Variants in PIGL observed in about 807,000 individuals in gnomAD.
The protein encoded by PIGL is phosphatidylinositol glycan anchor biosynthesis class L.
A neutral mutation model predicts 31.1 loss-of-function variants in PIGL; 22 were observed. The ratio of observed to expected loss-of-function variants is 0.71; its 90% confidence interval spans 0.51 to 1.01. The LOEUF (loss-of-function observed/expected upper bound fraction) is 1.01. Ranked by LOEUF, PIGL falls within the 50% of genes least tolerant of loss-of-function variation. PIGL has a pLI of 0.00. For synonymous variants in PIGL, 131 were observed against 117.4 expected, an observed-to-expected ratio of 1.12 and a Z score of -0.75; for missense variants, 302 against 315.9, an observed-to-expected ratio of 0.96 and a Z score of 0.33.
At chr17:16,296,272 G>A (rs1410953297) in intron 2 of PIGL, among the ~76,000 whole-genome samples, 6 of 152,104 alleles carry the variant, frequency 3.9e-5, no homozygotes, top group South Asian at 2.1e-4. Flanking sequence ...ATCATAAACC[G>A]CTTGTAGAAG....
intron 3 of PIGL, among the ~76,000 whole-genome samples, chr17:16,309,243 G>C (rs2093038372): frequency 6.6e-6 from 1 of 152,182 alleles, no homozygotes; most frequent in South Asian, 2.1e-4. Context: ...GGTGAGCTAT[G>C]ATCATGCCAC....
intron 2 of PIGL, among the ~76,000 whole-genome samples, chr17:16,277,823 C>T (rs550906439): frequency 1.3e-5 from 2 of 152,228 alleles, no homozygotes; most frequent in South Asian, 4.1e-4. Flanking sequence ...ACTTCTGTGG[C>T]ATACAACAAT....
intron 2 of PIGL, among the ~76,000 whole-genome samples, chr17:16,253,672 A>G (rs1334052450): frequency 6.6e-6 from 1 of 152,004 alleles, no homozygotes; most frequent in Admixed American, 6.6e-5. Context: ...GGCCAGACAC[A>G]GTGGCTCATG....
At chr17:16,306,664 G>A (rs572400868) in intron 3 of PIGL, among the ~76,000 whole-genome samples, 2 of 151,954 alleles carry the variant, frequency 1.3e-5, no homozygotes, top group South Asian at 4.2e-4. Context: ...CAAGTAGCTG[G>A]GATTACAGGC....
intron 3 of PIGL, among the ~76,000 whole-genome samples, chr17:16,309,021 G>GA (rs2093037659): frequency 1.3e-5 from 2 of 152,062 alleles, no homozygotes; most frequent in African/African-American, 4.8e-5. Flanking sequence ...AAACTCCTGG[G>GA]GTCAAGCGAT....
chr17:16,273,488 T>C (rs1432331809), intron 2 of PIGL, among the ~76,000 whole-genome samples: 1 of 152,176 alleles, frequency 6.6e-6, no homozygotes, highest in Non-Finnish European at 1.5e-5. Context: ...TGATTTTCAT[T>C]TTAGAAAGAC....
intron 2 of PIGL, among the ~76,000 whole-genome samples, chr17:16,291,629 G>A (rs2092961060): frequency 6.6e-6 from 1 of 152,010 alleles, no homozygotes; most frequent in African/African-American, 2.4e-5. Flanking sequence ...ACTTTGGGAG[G>A]CAGAGGAGGG....
At chr17:16,230,261 T>G (rs1042416704) in intron 1 of PIGL, among the ~76,000 whole-genome samples, 4 of 152,140 alleles carry the variant, frequency 2.6e-5, no homozygotes, top group African/African-American at 9.7e-5. Flanking sequence ...GCCTCTGGGC[T>G]CCAGTAACAC....
chr17:16,281,999 T>C (rs1568820103), intron 2 of PIGL: 1 of 508,366 alleles, frequency 2.0e-6, no homozygotes, highest in Admixed American at 2.0e-5. Flanking sequence ...CAGCTGTCCA[T>C]GGGGGCACTG....
intron 2 of PIGL, among the ~76,000 whole-genome samples, chr17:16,296,790 G>C: frequency 6.6e-6 from 1 of 151,664 alleles, no homozygotes; most frequent in East Asian, 2.0e-4. Flanking sequence ...GGTCTCGGCT[G>C]ACTGCAAGCT....
intron 2 of PIGL, among the ~76,000 whole-genome samples, chr17:16,289,578 G>A (rs1319067922): frequency 6.6e-6 from 1 of 152,122 alleles, no homozygotes; most frequent in Non-Finnish European, 1.5e-5. Flanking sequence ...AAGTCACAAA[G>A]GACCTTGCTT....
intron 2 of PIGL, among the ~76,000 whole-genome samples, chr17:16,243,494 TG>T (rs923112389): frequency 1.3e-5 from 2 of 152,248 alleles, no homozygotes; most frequent in Non-Finnish European, 2.9e-5. Context: ...ACTTGCTTCA[TG>T]GTAAACTACT....
At chr17:16,299,811 G>A in intron 2 of PIGL, 77 bp from the exon 3 acceptor site, 1 of 986,648 alleles carries the variant, frequency 1.0e-6, no homozygotes, top group South Asian at 1.3e-5. Context: ...ATAAAACTGG[G>A]CATGCACCTA....
chr17:16,309,141 G>A (rs1264391806), intron 3 of PIGL, among the ~76,000 whole-genome samples: 1 of 151,976 alleles, frequency 6.6e-6, no homozygotes, highest in Non-Finnish European at 1.5e-5. Flanking sequence ...TAGTGTATAA[G>A]TAGTGTATTA....
intron 6 of PIGL, among the ~76,000 whole-genome samples, chr17:16,322,796 C>T (rs2093111506): frequency 6.6e-6 from 1 of 152,178 alleles, no homozygotes; most frequent in African/African-American, 2.4e-5. Context: ...GCTGTTTCAG[C>T]TCTCCTACTG....
chr17:16,232,871 G>C (rs2092684617), intron 1 of PIGL, among the ~76,000 whole-genome samples: 1 of 152,016 alleles, frequency 6.6e-6, no homozygotes, highest in African/African-American at 2.4e-5. Flanking sequence ...TGTAATCCCA[G>C]CACTTTGGGA....
chr17:16,245,779 C>T (rs1017137611), intron 2 of PIGL, among the ~76,000 whole-genome samples: 9 of 145,890 alleles, frequency 6.2e-5, no homozygotes, highest in African/African-American at 1.3e-4. Flanking sequence ...TACACACACA[C>T]ATATATATAT....
At chr17:16,304,969 TC>T (rs1343723868) in intron 3 of PIGL, among the ~76,000 whole-genome samples, 3 of 151,900 alleles carry the variant, frequency 2.0e-5, no homozygotes, top group Non-Finnish European at 4.4e-5. Context: ...TCAGTAGCAA[TC>T]CCCCTCCTCA....
At chr17:16,246,670 G>GTTTTTTT (rs1284256034) in intron 2 of PIGL, among the ~76,000 whole-genome samples, 1 of 106,536 alleles carries the variant, frequency 9.4e-6, no homozygotes, top group African/African-American at 3.5e-5. Flanking sequence ...CCAGATCAAG[G>GTTTTTTT]TCTTTTTTTT....
Sources: allele counts gnomAD v4.1 joint callset (sites outside exome capture counted in the v4.1 genomes callset), GRCh38; gene constraint gnomAD v4.1.1; transcripts MANE v1.5; gene names NCBI Gene and HGNC (gene_info 2026-07-23, HGNC 2026-07-21).